RIMBP2: variants seen among roughly 807,000 people sequenced by gnomAD.
RIMBP2 encodes RIMS binding protein 2, also known as RIMS-binding protein 2.
RIMBP2 carries 48 observed loss-of-function variants against 118.6 expected under a neutral mutation model. That is an observed-to-expected ratio of 0.40 (90% CI 0.32 to 0.51). The LOEUF is 0.51. Among genes scored for constraint, RIMBP2 ranks in the 20% least tolerant of loss-of-function variants. RIMBP2 has a pLI of 0.41. For missense variants in RIMBP2, 1,551 were observed against 1,768.3 expected, an observed-to-expected ratio of 0.88 and a Z score of 2.20; for synonymous variants, 762 against 742.9, an observed-to-expected ratio of 1.03 and a Z score of -0.42.
At chr12:130,534,590 T>A (rs1340528740) in intron 2 of RIMBP2, among the ~76,000 whole-genome samples, 1 of 152,234 alleles carries the variant, frequency 6.6e-6, no homozygotes, top group Non-Finnish European at 1.5e-5. Flanking sequence ...TGGCTTTGTA[T>A]CTTCACCAAC....
chr12:130,569,377 CT>C (rs1317978601), intron 2 of RIMBP2, among the ~76,000 whole-genome samples: 5 of 152,232 alleles, frequency 3.3e-5, no homozygotes, highest in African/African-American at 1.2e-4. Flanking sequence ...GCTCCTTCTT[CT>C]CACGCCCAGT....
chr12:130,522,828 AG>A (rs1429895881), intron 2 of RIMBP2, among the ~76,000 whole-genome samples: 2 of 152,154 alleles, frequency 1.3e-5, no homozygotes, highest in Non-Finnish European at 2.9e-5. Flanking sequence ...CCTAGCCCCC[AG>A]GGTGACTCTA....
At chr12:130,456,772 A>G in intron 6 of RIMBP2, 72 bp from the exon 7 acceptor site, 1 of 1,209,726 alleles carries the variant, frequency 8.3e-7, no homozygotes. Flanking sequence ...GCCTGTTCAC[A>G]TGTGTTGTAC....
rs1017401174 is a variant in RIMBP2 at position 130,404,692 on chromosome 12, G to A, written c.3765+1480C>T. 1.9e-4 allele frequency among the ~76,000 whole-genome samples: 29 copies of A among 152,258 alleles called. No individual in the cohort carries two copies. The South Asian group carries it at 4.6e-3, about 24-fold the overall frequency. ...AAGGAAAAACTTTTTAAGAGGAGGC[G>A]CATGCTATGTCAGAATTGAAAGACA... On this transcript the variant is annotated intron_variant, in intron 21 of 22. Coordinates refer to ENST00000690449, the MANE Select transcript of RIMBP2 (RefSeq NM_001393629.1).
chr12:130,706,111 A>G (rs1267180793), intron 1 of RIMBP2, among the ~76,000 whole-genome samples: 1 of 152,226 alleles, frequency 6.6e-6, no homozygotes, highest in African/African-American at 2.4e-5. Context: ...AATAGCAGGA[A>G]TCGTAATAGC....
rs1232919056 is a variant in RIMBP2 at position 130,623,374 on chromosome 12, AG to A, written c.-217+4947del. On this transcript the variant is annotated intron_variant, in intron 2 of 22. Transcript: ENST00000690449. This position sits in a 1 kb window ranked among gnomAD's most constrained non-coding sequence, Gnocchi z 4.1. ...TGTCATCTAGGTTTTAAGCCCCACA[AG>A]TATTAGGTATTTGCCCTAATGCTCC... Among the ~76,000 whole-genome samples the A allele has an allele frequency of 2.6e-5, 4 of 152,296 alleles. No homozygotes were observed. The East Asian group carries it at 7.7e-4, about 29-fold the overall frequency.
At chr12:130,482,299 C>T (rs2082081153) in intron 4 of RIMBP2, among the ~76,000 whole-genome samples, 1 of 152,216 alleles carries the variant, frequency 6.6e-6, no homozygotes, top group South Asian at 2.1e-4. Context: ...GATATTGGTT[C>T]ATCGGACTGG....
At chr12:130,689,290 G>A (rs1480165395) in intron 1 of RIMBP2, among the ~76,000 whole-genome samples, 1 of 152,116 alleles carries the variant, frequency 6.6e-6, no homozygotes, top group Admixed American at 6.5e-5. Flanking sequence ...AAAATTAGCT[G>A]AGTGTGGTGG....
intron 7 of RIMBP2, among the ~76,000 whole-genome samples, chr12:130,453,612 C>T (rs2079174479): frequency 6.6e-6 from 1 of 152,232 alleles, no homozygotes; most frequent in African/African-American, 2.4e-5. Flanking sequence ...ACGGCCCCCA[C>T]TCACGTGGGA....
chr12:130,554,075 T>C (rs189639331), intron 2 of RIMBP2, among the ~76,000 whole-genome samples: 1 of 152,322 alleles, frequency 6.6e-6, no homozygotes, highest in African/African-American at 2.4e-5. Context: ...TGTAAACTCA[T>C]TGATCTCGGG....
At chr12:130,697,585 G>A (rs1432029034) in intron 1 of RIMBP2, among the ~76,000 whole-genome samples, 1 of 152,166 alleles carries the variant, frequency 6.6e-6, no homozygotes, top group Admixed American at 6.5e-5. Flanking sequence ...GGAGATAGAA[G>A]TTCAGGGAGG....
At chr12:130,461,602 C>T (rs1035828798) in intron 6 of RIMBP2, among the ~76,000 whole-genome samples, 3 of 152,144 alleles carry the variant, frequency 2.0e-5, no homozygotes, top group Non-Finnish European at 2.9e-5. Context: ...GTGTTGGAGG[C>T]GGGGCCTGGC....
chr12:130,400,577 C>T (rs1345388709), intron 21 of RIMBP2, among the ~76,000 whole-genome samples: 1 of 152,174 alleles, frequency 6.6e-6, no homozygotes, highest in Non-Finnish European at 1.5e-5. Flanking sequence ...TCAAAATTGG[C>T]TGGCTCTGGG....
chr12:130,564,322 C>T (rs1567997), intron 2 of RIMBP2, among the ~76,000 whole-genome samples: 146,100 of 151,802 alleles, frequency 0.96, 70,505 homozygotes, highest in East Asian at 1. Flanking sequence ...CCAGTCTTTT[C>T]AGCACTGTGT....
chr12:130,510,151 G>A (rs980899965), intron 3 of RIMBP2, among the ~76,000 whole-genome samples: 34 of 152,182 alleles, frequency 2.2e-4, no homozygotes, highest in African/African-American at 7.5e-4. Flanking sequence ...AGAAATCACC[G>A]GGCACCGGAA....
At chr12:130,715,448 C>G (rs1407222088) in intron 1 of RIMBP2, among the ~76,000 whole-genome samples, 4 of 152,098 alleles carry the variant, frequency 2.6e-5, no homozygotes, top group Admixed American at 2.6e-4. Flanking sequence ...GACAGATGTC[C>G]GGGCCCCCAC....
chr12:130,648,327 AATTT>A (rs2063078790), intron 1 of RIMBP2, among the ~76,000 whole-genome samples: 1 of 145,684 alleles, frequency 6.9e-6, no homozygotes, highest in Non-Finnish European at 1.6e-5. Flanking sequence ...CACCTTCATA[AATTT>A]ATTTAAAGGA....
chr12:130,661,819 A>C (rs2063676118), intron 1 of RIMBP2, among the ~76,000 whole-genome samples: 1 of 152,202 alleles, frequency 6.6e-6, no homozygotes, highest in Non-Finnish European at 1.5e-5. Context: ...CAAGCCTCGC[A>C]CCTGCAGAGT....
At chr12:130,582,602 T>G (rs2058551956) in intron 2 of RIMBP2, among the ~76,000 whole-genome samples, 1 of 152,356 alleles carries the variant, frequency 6.6e-6, no homozygotes, top group Non-Finnish European at 1.5e-5. Flanking sequence ...CCATAACATC[T>G]TATTTGTTAC....
Sources: gnomAD v4.1 joint callset for allele counts (sites outside exome capture counted in the v4.1 genomes callset) on GRCh38, gnomAD v4.1.1 for gene constraint, Gnocchi (gnomAD v3.1) non-coding constraint, MANE v1.5 for transcripts, NCBI Gene and HGNC (gene_info 2026-07-23, HGNC 2026-07-21) for gene names.